TCF4: variants seen among roughly 807,000 people sequenced by gnomAD.
TCF4 encodes transcription factor 4, also known as SL3-3 enhancer factor 2.
A neutral mutation model predicts 82.1 loss-of-function variants in TCF4; 3 were observed. The observed-to-expected ratio is 0.04, with a 90% CI of 0.02 to 0.09. TCF4 has a LOEUF of 0.09. Ranked by LOEUF, TCF4 falls within the 10% of genes least tolerant of loss-of-function variation. The pLI is 1.00. For synonymous variants in TCF4, 276 were observed against 309.6 expected, an observed-to-expected ratio of 0.89 and a Z score of 1.14; for missense variants, 518 against 852.7, an observed-to-expected ratio of 0.61 and a Z score of 4.89.
At chr18:55,274,043 A>G (rs2060952516) in intron 10 of TCF4, among the ~76,000 whole-genome samples, 1 of 152,134 alleles carries the variant, frequency 6.6e-6, no homozygotes, top group African/African-American at 2.4e-5. Flanking sequence ...AAATTCCAAC[A>G]TGCGGTATAG....
chr18:55,581,398 A>G (rs965243320), intron 3 of TCF4, among the ~76,000 whole-genome samples: 1 of 152,016 alleles, frequency 6.6e-6, no homozygotes, highest in African/African-American at 2.4e-5. Context: ...CTATACCCAA[A>G]ATTCTGTGAT....
intron 8 of TCF4, among the ~76,000 whole-genome samples, chr18:55,338,994 C>T (rs2079232105): frequency 6.6e-6 from 1 of 152,110 alleles, no homozygotes; most frequent in African/African-American, 2.4e-5. Context: ...ATTCATTACA[C>T]AGTGTTAAAT....
Position 55,259,159 on chromosome 18 carries a change from T to G in TCF4, c.1069+790A>C, listed in dbSNP as rs141993628. 1.2e-4 allele frequency among the ~76,000 whole-genome samples: 19 copies of G among 152,250 alleles called. 1 individual carries two copies. In the East Asian group the frequency reaches 2.3e-3, roughly 19 times the overall value. ...CAAACGCAAGTAACTCCACTATAAA[T>G]TACAGTAAGGTAAGGTTTCCATCAG... is the stretch of plus-strand genomic sequence containing the variant. On this transcript the variant is annotated intron_variant, in intron 13 of 19. Transcript: ENST00000354452.
chr18:55,589,914 C>A, upstream of TCF4: 1 of 858,070 alleles, frequency 1.2e-6, no homozygotes, highest in Non-Finnish European at 1.4e-6. Context: ...GAGAGGCGGC[C>A]AAGATGGCGG....
chr18:55,324,482 A>G (rs936769541), intron 8 of TCF4, among the ~76,000 whole-genome samples: 8 of 152,228 alleles, frequency 5.3e-5, no homozygotes, highest in African/African-American at 1.7e-4. Context: ...GAACAGAAGT[A>G]TAAGAACAAC....
intron 3 of TCF4, among the ~76,000 whole-genome samples, chr18:55,580,804 A>C (rs1868938946): frequency 6.6e-6 from 1 of 151,538 alleles, no homozygotes; most frequent in Non-Finnish European, 1.5e-5. Flanking sequence ...TTTGAGCTAG[A>C]CAAACCTGAG....
At chr18:55,587,653 A>G (rs1003287990) in intron 1 of TCF4, among the ~76,000 whole-genome samples, 7 of 151,836 alleles carry the variant, frequency 4.6e-5, no homozygotes, top group African/African-American at 1.7e-4. Flanking sequence ...GTAGCTATCA[A>G]GAAATTAAAG....
chr18:55,335,729 T>C (rs994715382), intron 8 of TCF4, among the ~76,000 whole-genome samples: 2 of 152,136 alleles, frequency 1.3e-5, no homozygotes, highest in African/African-American at 4.8e-5. Flanking sequence ...TAATAAAAAA[T>C]GTAGTCATAT....
intron 5 of TCF4, chr18:55,422,431 A>G: frequency 1.0e-6 from 1 of 984,608 alleles, no homozygotes; most frequent in Non-Finnish European, 1.2e-6. Flanking sequence ...TTTTTTTAAT[A>G]TTAAAAAAAA....
intron 2 of TCF4, among the ~76,000 whole-genome samples, chr18:55,621,402 A>G (rs1408357942): frequency 4.2e-5 from 3 of 72,004 alleles, no homozygotes; most frequent in Non-Finnish European, 7.7e-5. Context: ...TATATGGGGT[A>G]CTGCCTGATA....
chr18:55,382,951 G>A (rs1183680953), intron 6 of TCF4, among the ~76,000 whole-genome samples: 8 of 152,226 alleles, frequency 5.3e-5, no homozygotes, highest in Non-Finnish European at 7.3e-5. Context: ...TGCAGAGGCA[G>A]AACAGAGCTT....
chr18:55,545,698 C>T (rs1399833419), intron 3 of TCF4, among the ~76,000 whole-genome samples: 1 of 152,212 alleles, frequency 6.6e-6, no homozygotes, highest in African/African-American at 2.4e-5. Flanking sequence ...AATCTGCCTG[C>T]CTCGGCCTCC....
At chr18:55,501,439 A>G (rs2096700497) in intron 3 of TCF4, among the ~76,000 whole-genome samples, 2 of 152,294 alleles carry the variant, frequency 1.3e-5, no homozygotes, top group South Asian at 4.1e-4. Flanking sequence ...GCTTTTTGAC[A>G]TCTCAAATTT....
At chr18:55,374,154 A>C (rs1306434249) in intron 6 of TCF4, among the ~76,000 whole-genome samples, 5 of 152,190 alleles carry the variant, frequency 3.3e-5, no homozygotes, top group Non-Finnish European at 7.4e-5. Context: ...GATGCAGCCA[A>C]AGCTGTAACC....
intron 6 of TCF4, among the ~76,000 whole-genome samples, chr18:55,375,885 A>G (rs920805475): frequency 2.0e-5 from 3 of 152,112 alleles, no homozygotes. Flanking sequence ...AAATTCTCCT[A>G]AGTAGAAAGG....
chr18:55,609,628 G>A (rs1417692123), intron 2 of TCF4, among the ~76,000 whole-genome samples: 1 of 152,160 alleles, frequency 6.6e-6, no homozygotes, highest in Non-Finnish European at 1.5e-5. Flanking sequence ...AAAAAGGCAG[G>A]AGTATCATGA....
At chr18:55,451,705 G>A (rs909963743) in intron 5 of TCF4, among the ~76,000 whole-genome samples, 2 of 152,168 alleles carry the variant, frequency 1.3e-5, no homozygotes, top group African/African-American at 4.8e-5. Flanking sequence ...GTAATGAGAG[G>A]TTTGAGAAAC....
intron 3 of TCF4, among the ~76,000 whole-genome samples, chr18:55,491,510 G>A (rs1433039109): frequency 6.6e-6 from 1 of 152,198 alleles, no homozygotes; most frequent in Non-Finnish European, 1.5e-5. Flanking sequence ...TTTTGCAGGT[G>A]TTTCCTTACC....
At position 55,243,628 on chromosome 18, in the gene TCF4, C is replaced by A. The variant is rs1459390844; in HGVS notation, c.1351-8945G>T. ...TGTTTGTTTTTTGAGAATAAAGCAC[C>A]CAGAGTACTAGGCAGTTTCCCCAAT... On this transcript the variant is annotated intron_variant, in intron 15 of 19. Transcript: ENST00000354452. Among the ~76,000 whole-genome samples, 44 of 151,798 alleles carry A rather than the reference C, an allele frequency of 2.9e-4. 1 individual carries two copies. Among genetic ancestry groups the A allele is most frequent in the Admixed American group, 2.9e-3 (44 of 15,214 alleles).
Sources: gnomAD v4.1 joint callset for allele counts (sites outside exome capture counted in the v4.1 genomes callset) on GRCh38, gnomAD v4.1.1 for gene constraint, MANE v1.5 for transcripts, NCBI Gene and HGNC (gene_info 2026-07-23, HGNC 2026-07-21) for gene names.